Variants in WWOX observed in about 807,000 individuals in gnomAD.
The protein encoded by WWOX is WW domain-containing oxidoreductase.
WWOX carries 69 observed loss-of-function variants against 46.2 expected under a neutral mutation model. The observed-to-expected ratio is 1.49, with a 90% CI of 1.23 to 1.82. The LOEUF (loss-of-function observed/expected upper bound fraction) is 1.82, where lower values mean the gene tolerates loss of function less well. Among genes scored for constraint, WWOX ranks in the 40% most tolerant of loss-of-function variants. The probability of loss-of-function intolerance (pLI) is 0.00; values close to 1 mark genes in which losing one functional copy is unlikely to be tolerated. For synonymous variants in WWOX, 359 were observed against 202.6 expected, an observed-to-expected ratio of 1.77 and a Z score of -6.56; for missense variants, 919 against 542.6, an observed-to-expected ratio of 1.69 and a Z score of -6.89.
At chr16:79,079,421 C>G (rs1160945339) in intron 8 of WWOX, among the ~76,000 whole-genome samples, 1 of 152,198 alleles carries the variant, frequency 6.6e-6, no homozygotes, top group Non-Finnish European at 1.5e-5. Context: ...TTCATCCATC[C>G]ATCCATCTAG....
chr16:78,993,577 CG>C (rs2046930851), intron 8 of WWOX, among the ~76,000 whole-genome samples: 1 of 152,144 alleles, frequency 6.6e-6, no homozygotes, highest in African/African-American at 2.4e-5. Context: ...GTACGGAGCC[CG>C]GAACAGGGAT....
chr16:78,570,236 C>T (rs927358465), intron 8 of WWOX, among the ~76,000 whole-genome samples: 1 of 152,112 alleles, frequency 6.6e-6, no homozygotes, highest in Admixed American at 6.5e-5. Flanking sequence ...GTCTGGGGCC[C>T]AAGTGTTTTA....
At chr16:79,105,392 A>C (rs986937106) in intron 8 of WWOX, among the ~76,000 whole-genome samples, 1 of 152,162 alleles carries the variant, frequency 6.6e-6, no homozygotes. Flanking sequence ...ATTCGTACCC[A>C]TGTACGTATT....
At chr16:78,457,030 T>A (rs1271291795) in intron 8 of WWOX, among the ~76,000 whole-genome samples, 4 of 152,234 alleles carry the variant, frequency 2.6e-5, no homozygotes, top group Admixed American at 1.3e-4. Context: ...GGATGGTTAA[T>A]TTGATGTTGA....
intron 5 of WWOX, among the ~76,000 whole-genome samples, chr16:78,336,976 T>G (rs908204165): frequency 3.3e-5 from 5 of 152,072 alleles, no homozygotes; most frequent in Admixed American, 1.3e-4. Flanking sequence ...AGACGGGGTT[T>G]CAGCATGTTG....
At chr16:79,024,218 T>A (rs2047591612) in intron 8 of WWOX, among the ~76,000 whole-genome samples, 1 of 152,194 alleles carries the variant, frequency 6.6e-6, no homozygotes, top group Non-Finnish European at 1.5e-5. Context: ...TAAAAACCAC[T>A]GAACTGTACA....
At chr16:79,184,511 C>A (rs2050975531) in intron 8 of WWOX, among the ~76,000 whole-genome samples, 1 of 152,150 alleles carries the variant, frequency 6.6e-6, no homozygotes, top group African/African-American at 2.4e-5. Flanking sequence ...AAACTCTTGT[C>A]CACTTGGATT....
At chr16:79,166,130 T>C (rs941730509) in intron 8 of WWOX, among the ~76,000 whole-genome samples, 1 of 152,184 alleles carries the variant, frequency 6.6e-6, no homozygotes. Context: ...CCGAAGTCCA[T>C]TCTTGACTTT....
At position 78,356,071 on chromosome 16, in the gene WWOX, T is replaced by TAAAAAAAAAAAAAAAAAAAAAAAA. The variant is rs61113878; in HGVS notation, c.517-30767_517-30766insAAAAAAAAAAAAAAAAAAAAAAAA. Among the ~76,000 whole-genome samples, 31 of 76,142 alleles carry TAAAAAAAAAAAAAAAAAAAAAAAA rather than the reference T, an allele frequency of 4.1e-4. 1 individual carries two copies. Among genetic ancestry groups the TAAAAAAAAAAAAAAAAAAAAAAAA allele is most frequent in the African/African-American group, 1.3e-3 (28 of 21,598 alleles). The allele number at this position is 76,142 out of a possible 152,430, so 50.0% of individuals were successfully genotyped here. A position where few individuals can be genotyped will look rare whatever the true frequency, so the allele number is the denominator to read the frequency against. On this transcript the variant is annotated intron_variant, in intron 5 of 8. Coordinates refer to ENST00000566780, the MANE Select transcript of WWOX (RefSeq NM_016373.4). Reference sequence around the variant, plus strand: ...TATGACCACCAAGATTTTTTTTTCCTAAAAAAAAAAAAAAAAAAAAAAGAA... The same window carrying TAAAAAAAAAAAAAAAAAAAAAAAA: ...TATGACCACCAAGATTTTTTTTTCCTAAAAAAAAAAAAAAAAAAAAAAAAAAAAAAAAAAAAAAAAAAAAAAGAA...
intron 6 of WWOX, among the ~76,000 whole-genome samples, chr16:78,393,346 A>C (rs1231366579): frequency 2.6e-5 from 4 of 152,162 alleles, no homozygotes; most frequent in Non-Finnish European, 2.9e-5. Flanking sequence ...GTGCTCTGTA[A>C]TACTTTTTCT....
At chr16:79,210,497 G>C (rs1355307568) in intron 8 of WWOX, among the ~76,000 whole-genome samples, 1 of 152,120 alleles carries the variant, frequency 6.6e-6, no homozygotes, top group African/African-American at 2.4e-5. Context: ...CACAATCAAA[G>C]TTCCTTAGTG....
rs1426559238 is a variant in WWOX at position 78,183,659 on chromosome 16, C to T, written c.516+19370C>T. Among the ~76,000 whole-genome samples, 3 of 152,272 alleles carry T rather than the reference C, an allele frequency of 2.0e-5. No individual in the cohort carries two copies. In the South Asian group the frequency reaches 6.2e-4, roughly 32 times the overall value. On this transcript the variant is annotated intron_variant, in intron 5 of 8. Transcript: ENST00000566780. The stretch of plus-strand genomic sequence containing the variant: ...ATGCTCAGTAACACCTGCCAAGTAC[C>T]ACTCACTGAGCCGAAATCTCCTGAA...
intron 8 of WWOX, among the ~76,000 whole-genome samples, chr16:78,556,435 C>T (rs1201169330): frequency 6.6e-6 from 1 of 152,054 alleles, no homozygotes; most frequent in African/African-American, 2.4e-5. Context: ...GGGGAACGGT[C>T]AGGGAATTTG....
intron 8 of WWOX, among the ~76,000 whole-genome samples, chr16:78,989,625 G>T (rs2046844832): frequency 6.6e-6 from 1 of 152,174 alleles, no homozygotes; most frequent in African/African-American, 2.4e-5. Context: ...GCAGTCTTGT[G>T]GATTCAGGAA....
chr16:78,774,618 C>A (rs762268007), intron 8 of WWOX, among the ~76,000 whole-genome samples: 1 of 152,020 alleles, frequency 6.6e-6, no homozygotes, highest in South Asian at 2.1e-4. Flanking sequence ...GTTCCTGGCA[C>A]ATGGCGTTGT....
chr16:78,881,417 G>A (rs1466271480), intron 8 of WWOX, among the ~76,000 whole-genome samples: 1 of 152,154 alleles, frequency 6.6e-6, no homozygotes, highest in Non-Finnish European at 1.5e-5. Flanking sequence ...CTAATATACA[G>A]GTTTTCTCCA....
At chr16:78,112,067 C>T (rs2032522941) in intron 3 of WWOX, 1 of 152,340 alleles carries the variant, frequency 6.6e-6, no homozygotes, top group Non-Finnish European at 1.5e-5. Context: ...CTGTTTTCTC[C>T]TTATCTCTTT....
chr16:78,605,647 C>G (rs1010040649), intron 8 of WWOX, among the ~76,000 whole-genome samples: 51 of 152,320 alleles, frequency 3.3e-4, no homozygotes, highest in African/African-American at 1.1e-3. Context: ...AGAAACTCAG[C>G]TATCCAGAAT....
chr16:79,084,203 G>T (rs1054319146), intron 8 of WWOX, among the ~76,000 whole-genome samples: 1 of 152,180 alleles, frequency 6.6e-6, no homozygotes, highest in Non-Finnish European at 1.5e-5. Context: ...GAAGAAAGAT[G>T]TGCATATTTG....
Sources: gnomAD v4.1 joint callset for allele counts (sites outside exome capture counted in the v4.1 genomes callset) on GRCh38, gnomAD v4.1.1 for gene constraint, MANE v1.5 for transcripts, NCBI Gene and HGNC (gene_info 2026-07-23, HGNC 2026-07-21) for gene names.